Variants in CSMD1 observed in about 807,000 individuals in gnomAD.
The protein encoded by CSMD1 is CUB and sushi domain-containing protein 1.
A neutral mutation model predicts 417.5 loss-of-function variants in CSMD1; 213 were observed. The ratio of observed to expected loss-of-function variants is 0.51; its 90% CI spans 0.46 to 0.57. The LOEUF (loss-of-function observed/expected upper bound fraction) is 0.57. Among genes scored for constraint, CSMD1 ranks in the 20% least tolerant of loss-of-function variants. The pLI is 0.00. For synonymous variants in CSMD1, 2,862 were observed against 1,736.8 expected (o/e 1.65, Z -16.11); for missense variants, 6,923 against 4,529.7 (o/e 1.53, Z -15.17).
At chr8:4,218,566 T>C (rs768411707) in intron 3 of CSMD1, among the ~76,000 whole-genome samples, 12 of 152,228 alleles carry the variant, frequency 7.9e-5, no homozygotes, top group South Asian at 2.1e-4. Flanking sequence ...AAGTTGTCTA[T>C]GTTCTCTGTA....
chr8:3,381,539 A>G lies in CSMD1; in HGVS notation c.2782+5955T>C, dbSNP rs114621296. On this transcript the variant is annotated intron_variant, in intron 18 of 69. Transcript: ENST00000635120. ...GAATATTTTAAGGGTTATCATTCTT[A>G]TTGCAAATATTTTTAATATAGAACC... Among the ~76,000 whole-genome samples the G allele has an allele frequency of 6.6e-3, 1,001 of 152,288 alleles. 11 individuals are homozygous for G. Among genetic ancestry groups the G allele is most frequent in the African/African-American group, 0.023 (957 of 41,578 alleles).
intron 30 of CSMD1, 44 bp from the exon 31 acceptor site, chr8:3,205,664 G>C: frequency 1.0e-6 from 1 of 957,710 alleles, no homozygotes; most frequent in Non-Finnish European, 1.6e-6. Flanking sequence ...TGCAATAATA[G>C]CGCAGGTGAT....
chr8:4,604,494 G>A (rs17070764), intron 2 of CSMD1, among the ~76,000 whole-genome samples: 28,661 of 151,518 alleles, frequency 0.19, 3,291 homozygotes, highest in South Asian at 0.25. Flanking sequence ...TCTTCTCGTG[G>A]TCATTAGCTT....
chr8:4,850,339 C>G (rs1269756420), intron 1 of CSMD1, among the ~76,000 whole-genome samples: 1 of 135,438 alleles, frequency 7.4e-6, no homozygotes, highest in Non-Finnish European at 1.6e-5. Flanking sequence ...TTAATGGTCT[C>G]TTTGAAGAAT....
At chr8:4,394,973 C>T (rs1375875521) in intron 3 of CSMD1, among the ~76,000 whole-genome samples, 1 of 152,186 alleles carries the variant, frequency 6.6e-6, no homozygotes, top group East Asian at 2.0e-4. Flanking sequence ...AGTTAATTCA[C>T]AGTTAAGAAA....
chr8:4,992,267 C>G (rs1356300195), intron 1 of CSMD1, among the ~76,000 whole-genome samples: 3 of 152,202 alleles, frequency 2.0e-5, no homozygotes, highest in Admixed American at 1.3e-4. Context: ...CTGCAGCCCA[C>G]CCGCGTGGGG....
At chr8:4,169,142 C>G (rs1173594413) in intron 3 of CSMD1, among the ~76,000 whole-genome samples, 1 of 152,054 alleles carries the variant, frequency 6.6e-6, no homozygotes, top group Non-Finnish European at 1.5e-5. Flanking sequence ...GTGGTGATGC[C>G]CAGCTTAATG....
intron 1 of CSMD1, among the ~76,000 whole-genome samples, chr8:4,885,165 T>C (rs1187953834): frequency 2.6e-5 from 4 of 152,130 alleles, no homozygotes; most frequent in Non-Finnish European, 4.4e-5. Flanking sequence ...TACAATTGAT[T>C]TGTCTACTTT....
intron 5 of CSMD1, among the ~76,000 whole-genome samples, chr8:3,943,628 T>C (rs1416201037): frequency 6.6e-6 from 1 of 152,076 alleles, no homozygotes; most frequent in East Asian, 1.9e-4. Context: ...AACCAAGAGA[T>C]CAAAGTTACT....
chr8:4,305,835 T>C (rs577883655), intron 3 of CSMD1, among the ~76,000 whole-genome samples: 1 of 152,164 alleles, frequency 6.6e-6, no homozygotes, highest in Admixed American at 6.6e-5. Context: ...TACTGTAACT[T>C]GCCGATCTTG....
intron 5 of CSMD1, among the ~76,000 whole-genome samples, chr8:3,982,551 T>C (rs1285527801): frequency 2.6e-5 from 4 of 152,098 alleles, no homozygotes; most frequent in Admixed American, 6.5e-5. Context: ...ACTAGGATTA[T>C]GTGCACTAGA....
In CSMD1 at chr8:4,079,777, G is replaced by C. The variant is rs149803711; in HGVS notation, c.416-47678C>G. Among the ~76,000 whole-genome samples the C allele has an allele frequency of 3.7e-3, 559 of 152,144 alleles. 4 individuals are homozygous for C. Among genetic ancestry groups the C allele is most frequent in the Middle Eastern group, 0.017 (5 of 294 alleles). On this transcript the variant is annotated intron_variant, in intron 3 of 69. Transcript: ENST00000635120. ...ATAGTTTATGCAATTAATAACCCAT[G>C]TTCTCTTTTCATCAGGTTAGTAGCA...
chr8:3,306,475 C>T (rs1804856052), intron 25 of CSMD1, among the ~76,000 whole-genome samples: 1 of 152,130 alleles, frequency 6.6e-6, no homozygotes, highest in East Asian at 1.9e-4. Context: ...CTGACTTTGA[C>T]CTGTAACTTT....
chr8:4,402,860 G>A (rs1426923771), intron 3 of CSMD1, among the ~76,000 whole-genome samples: 1 of 109,904 alleles, frequency 9.1e-6, no homozygotes, highest in Non-Finnish European at 1.7e-5. Context: ...TTGCTCTGTT[G>A]CCAGGCTGGA....
intron 2 of CSMD1, among the ~76,000 whole-genome samples, chr8:4,611,256 C>G (rs1228368175): frequency 6.6e-6 from 1 of 152,142 alleles, no homozygotes; most frequent in Non-Finnish European, 1.5e-5. Flanking sequence ...ATTTACTCTT[C>G]ACTTAATCCT....
At chr8:3,509,054 G>A (rs538614691) in intron 10 of CSMD1, among the ~76,000 whole-genome samples, 3 of 152,238 alleles carry the variant, frequency 2.0e-5, no homozygotes, top group Non-Finnish European at 2.9e-5. Flanking sequence ...CTGTATCAGC[G>A]GTCCATGTGC....
At chr8:3,982,003 C>T (rs962251649) in intron 5 of CSMD1, among the ~76,000 whole-genome samples, 3 of 151,838 alleles carry the variant, frequency 2.0e-5, no homozygotes, top group African/African-American at 4.8e-5. Flanking sequence ...AACCCCGTCT[C>T]TACTAAAAAT....
At chr8:4,228,900 T>G in intron 3 of CSMD1, among the ~76,000 whole-genome samples, 1 of 152,102 alleles carries the variant, frequency 6.6e-6, no homozygotes, top group East Asian at 1.9e-4. Context: ...CAGGCTGGTC[T>G]TGAACTCCTG....
chr8:4,232,402 T>C (rs544959893), intron 3 of CSMD1, among the ~76,000 whole-genome samples: 4 of 152,290 alleles, frequency 2.6e-5, no homozygotes, highest in African/African-American at 9.6e-5. Context: ...TTTCCCCACG[T>C]TGGCCAGCTT....
Sources: allele counts gnomAD v4.1 joint callset (sites outside exome capture counted in the v4.1 genomes callset), GRCh38; gene constraint gnomAD v4.1.1; transcripts MANE v1.5; gene names NCBI Gene and HGNC (gene_info 2026-07-23, HGNC 2026-07-21).